Variants in EIF3F observed in about 807,000 individuals in gnomAD.
The protein encoded by EIF3F is eukaryotic translation initiation factor 3 subunit F, also known as deubiquitinating enzyme eIF3f.
In EIF3F, 8 loss-of-function variants were observed where a neutral mutation model predicts 36.0. The observed-to-expected ratio is 0.22, with a 90% CI of 0.13 to 0.40. The LOEUF (loss-of-function observed/expected upper bound fraction) is 0.40, where lower values mean the gene tolerates loss of function less well. Ranked by LOEUF, EIF3F falls within the 10% of genes least tolerant of loss-of-function variation. The pLI, the probability that EIF3F is intolerant of heterozygous loss-of-function variation, is 1.00. For missense variants in EIF3F, 430 were observed against 467.6 expected (o/e 0.92, Z 0.74); for synonymous variants, 184 against 188.5 (o/e 0.98, Z 0.19).
At chr11:7,992,313 G>T (rs1364687470) in intron 3 of EIF3F, 150 bp downstream of exon 3, 1 of 709,506 alleles carries the variant, frequency 1.4e-6, no homozygotes, top group African/African-American at 1.8e-5. Flanking sequence ...CTCAATGCCT[G>T]TAATCCCAGC....
rs958436276 is a variant in EIF3F at position 8,001,063 on chromosome 11, G to A, written c.*5041G>A. On this transcript the variant is annotated 3_prime_UTR_variant, in exon 8 of 8. Coordinates refer to ENST00000651655, the MANE Select transcript of EIF3F (RefSeq NM_003754.3). ...ATATTCTTGTCCCAGAATTCCTACAGTTTTTTAAGGCCAGTAATTTGATAC... is the reference window on the plus strand; with the variant it reads ...ATATTCTTGTCCCAGAATTCCTACAATTTTTTAAGGCCAGTAATTTGATAC... The A allele has an allele frequency of 6.6e-6, 1 of 152,292 alleles. No individual in the cohort carries two copies. The highest frequency in any genetic ancestry group is 1.9e-4 in the East Asian group (1 of 5,190). The allele number at this position is 152,292 out of a possible 1,614,324, so 9.4% of individuals were successfully genotyped here.
rs965673485 is a variant in EIF3F at position 7,998,663 on chromosome 11, G to A, written c.*2641G>A. 7.9e-5 allele frequency: 12 copies of A among 151,894 alleles called. No individual in the cohort carries two copies. Among genetic ancestry groups the A allele is most frequent in the Admixed American group, 5.9e-4 (9 of 15,252 alleles). 9.4% of individuals were successfully genotyped at this position (151,894 alleles called of 1,614,324 possible). On this transcript the variant is annotated 3_prime_UTR_variant, in exon 8 of 8. Transcript: ENST00000651655. ...TAGCAAGAGGTAAATTCACACATAC[G>A]GAGTCTGCAAAAAATGAGAATTGAC... is the stretch of plus-strand genomic sequence containing the variant.
At position 7,994,528 on chromosome 11, in the gene EIF3F, T is replaced by C. The variant is rs1269372820; in HGVS notation, c.745+11T>C. On this transcript the variant is annotated intron_variant, in intron 5 of 7. Transcript: ENST00000651655. ...CTGAACGCATCGGAGGTGAGTAACC[T>C]TTCCATACACTCGCGAGAGGCCATA... The C allele has an allele frequency of 4.3e-6, 7 of 1,611,554 alleles. No homozygotes were observed. Among genetic ancestry groups the C allele is most frequent in the Non-Finnish European group, 5.9e-6 (7 of 1,178,670 alleles).
At position 7,990,336 on chromosome 11, in the gene EIF3F, G is replaced by A. The variant is rs74235472; in HGVS notation, c.365-1445G>A. Among the ~76,000 whole-genome samples, 8 of 152,270 alleles carry A rather than the reference G, an allele frequency of 5.3e-5. No homozygotes were observed. In the East Asian group the frequency reaches 9.6e-4, roughly 18 times the overall value. ...GCAAACTTTCTATAAAGGTCCAGAC[G>A]GTAAATATTTTAGGCTTTGTGTGCA... On this transcript the variant is annotated intron_variant, in intron 1 of 7. Coordinates refer to ENST00000651655, the MANE Select transcript of EIF3F (RefSeq NM_003754.3).
chr11:7,991,681 C>G, intron 1 of EIF3F, 100 bp from the exon 2 acceptor site: 1 of 1,127,428 alleles, frequency 8.9e-7, no homozygotes. Context: ...GTTAGGTGTT[C>G]ATTGACATTG....
chr11:7,994,523 T>A lies in EIF3F; in HGVS notation c.745+6T>A, dbSNP rs1285838867. On this transcript the variant is annotated splice_donor_region_variant and intron_variant, in intron 5 of 7. Coordinates refer to ENST00000651655, the MANE Select transcript of EIF3F (RefSeq NM_003754.3). ...CGACACTGAACGCATCGGAGGTGAG[T>A]AACCTTTCCATACACTCGCGAGAGG... 1 of 1,612,284 alleles carries A rather than the reference T, an allele frequency of 6.2e-7. No homozygotes were observed. The highest frequency in any genetic ancestry group is 1.1e-5 in the South Asian group (1 of 90,688).
chr11:7,992,558 CAG>C (rs1236157138), intron 3 of EIF3F: 8 of 432,298 alleles, frequency 1.9e-5, no homozygotes, highest in South Asian at 9.3e-5. Flanking sequence ...GCCTGAGTGA[CAG>C]AGTGCGACCC....
At position 7,996,598 on chromosome 11, in the gene EIF3F, C is replaced by G. The variant is rs1942163221; in HGVS notation, c.*576C>G. Reference sequence around the variant, plus strand: ...GAAAATTCTTAGGTGCTATCTGTAACTCGAGGATAGAGCCTTGAGTTATAC... The same window carrying G: ...GAAAATTCTTAGGTGCTATCTGTAAGTCGAGGATAGAGCCTTGAGTTATAC... On this transcript the variant is annotated 3_prime_UTR_variant, in exon 8 of 8. Transcript: ENST00000651655. 6.6e-6 allele frequency: 1 copy of G among 152,646 alleles called. No homozygotes were observed. 9.5% of individuals were successfully genotyped at this position (152,646 alleles called of 1,614,324 possible).
Position 8,000,253 on chromosome 11 carries a change from TAAAAG to T in EIF3F, c.*4234_*4238del, listed in dbSNP as rs1942205899. 1 of 151,804 alleles carries T rather than the reference TAAAAG, an allele frequency of 6.6e-6. No individual in the cohort carries two copies. Among genetic ancestry groups the T allele is most frequent in the Non-Finnish European group, 1.5e-5 (1 of 67,974 alleles). 9.4% of individuals were successfully genotyped at this position (151,804 alleles called of 1,614,324 possible). A position where few individuals can be genotyped will look rare whatever the true frequency, so the allele number is the denominator to read the frequency against. ...CTACACAATGGAATATTATTAACCT[TAAAAG>T]AAGGAAATAACTGATTTACAACAAC... On this transcript the variant is annotated 3_prime_UTR_variant, in exon 8 of 8. Transcript: ENST00000651655.
Position 7,999,697 on chromosome 11 carries a change from G to A in EIF3F, c.*3675G>A, listed in dbSNP as rs1347409829. 2.0e-5 allele frequency: 3 copies of A among 152,166 alleles called. No homozygotes were observed. Among genetic ancestry groups the A allele is most frequent in the Non-Finnish European group, 2.9e-5 (2 of 68,030 alleles). 9.4% of individuals were successfully genotyped at this position (152,166 alleles called of 1,614,324 possible). A position where few individuals can be genotyped will look rare whatever the true frequency, so the allele number is the denominator to read the frequency against. On this transcript the variant is annotated 3_prime_UTR_variant, in exon 8 of 8. Transcript: ENST00000651655. ...CGTTGGTGAGGGTATGGAGAAAAGGGAACCCTTTTACACTTGGTGTGAATG... is the reference window on the plus strand; with the variant it reads ...CGTTGGTGAGGGTATGGAGAAAAGGAAACCCTTTTACACTTGGTGTGAATG...
At position 7,998,327 on chromosome 11, in the gene EIF3F, C is replaced by G. The variant is rs1942185242; in HGVS notation, c.*2305C>G. ...TGACCCATTAACACTGAACTTAGCC[C>G]ACGACACTTATTCCTGAATGAAGCT... On this transcript the variant is annotated 3_prime_UTR_variant, in exon 8 of 8. Coordinates refer to ENST00000651655, the MANE Select transcript of EIF3F (RefSeq NM_003754.3). 1.3e-5 allele frequency: 2 copies of G among 152,114 alleles called. No homozygotes were observed. The highest frequency in any genetic ancestry group is 1.3e-4 in the Admixed American group (2 of 15,282). 9.4% of individuals were successfully genotyped at this position (152,114 alleles called of 1,614,324 possible).
intron 7 of EIF3F, 103 bp from the exon 8 acceptor site, chr11:7,995,842 A>C: frequency 1.1e-6 from 1 of 881,912 alleles, no homozygotes; most frequent in Non-Finnish European, 1.9e-6. Flanking sequence ...ATTTATCCAC[A>C]GCTGTCCTCA....
At chr11:7,990,901 A>AAATAAAAG (rs386373038) in intron 1 of EIF3F, among the ~76,000 whole-genome samples, 1 of 56,396 alleles carries the variant, frequency 1.8e-5, no homozygotes, top group Non-Finnish European at 5.2e-5. Flanking sequence ...ATAAATAAAT[A>AAATAAAAG]AAAGAAATAC....
In EIF3F at chr11:8,001,205, T is replaced by G. The variant is rs1435225577; in HGVS notation, c.*5183T>G. The G allele has an allele frequency of 6.6e-6, 1 of 152,218 alleles. No individual in the cohort carries two copies. Among genetic ancestry groups the G allele is most frequent in the Non-Finnish European group, 1.5e-5 (1 of 68,032 alleles). The allele number at this position is 152,218 out of a possible 1,614,324, so 9.4% of individuals were successfully genotyped here. A position where few individuals can be genotyped will look rare whatever the true frequency, so the allele number is the denominator to read the frequency against. On this transcript the variant is annotated 3_prime_UTR_variant, in exon 8 of 8. Transcript: ENST00000651655. ...ACGATGTCATTTTTAAAAATCAGATTCGCAAATTTTAAAAGTTGCTAACAC... is the reference window on the plus strand; with the variant it reads ...ACGATGTCATTTTTAAAAATCAGATGCGCAAATTTTAAAAGTTGCTAACAC...
At position 7,989,627 on chromosome 11, in the gene EIF3F, G is replaced by A. The variant is rs373265361; in HGVS notation, c.364+1911G>A. Among the ~76,000 whole-genome samples the A allele has an allele frequency of 7.9e-4, 117 of 148,038 alleles. 3 individuals carry two copies. In the South Asian group the frequency reaches 0.024, roughly 30 times the overall value. On this transcript the variant is annotated intron_variant, in intron 1 of 7. Coordinates refer to ENST00000651655, the MANE Select transcript of EIF3F (RefSeq NM_003754.3). Reference sequence around the variant, plus strand: ...CTCCTGTAACCTTAAACTCAAGATAGAAGTGTACTCTTAAATGCAAATAAT... The same window carrying A: ...CTCCTGTAACCTTAAACTCAAGATAAAAGTGTACTCTTAAATGCAAATAAT...
rs1942198236 is a variant in EIF3F, at chr11:7,999,691, A to G, written c.*3669A>G. On this transcript the variant is annotated 3_prime_UTR_variant, in exon 8 of 8. Transcript: ENST00000651655. ...TGCAAGCGTTGGTGAGGGTATGGAG[A>G]AAAGGGAACCCTTTTACACTTGGTG... 1 of 152,220 alleles carries G rather than the reference A, an allele frequency of 6.6e-6. No individual in the cohort carries two copies. The highest frequency in any genetic ancestry group is 1.5e-5 in the Non-Finnish European group (1 of 68,034). The allele number at this position is 152,220 out of a possible 1,614,324, so 9.4% of individuals were successfully genotyped here.
chr11:7,995,400 GT>G, intron 7 of EIF3F, 33 bp downstream of exon 7: 4 of 1,544,350 alleles, frequency 2.6e-6, no homozygotes, highest in Non-Finnish European at 3.6e-6. Context: ...TTCTTGCCTG[GT>G]TTCTTCCCCC....
chr11:7,987,889 AGCACTT>A, intron 1 of EIF3F, 173 bp downstream of exon 1: 1 of 986,636 alleles, frequency 1.0e-6, no homozygotes, highest in Non-Finnish European at 1.3e-6. Flanking sequence ...TATCTTCTCA[AGCACTT>A]GCATCTCTCC....
In EIF3F at chr11:7,994,578, T is replaced by C. The variant is rs572472001; in HGVS notation, c.745+61T>C. 13 of 1,509,308 alleles carry C rather than the reference T, an allele frequency of 8.6e-6. No homozygotes were observed. The African/African-American group carries it at 1.8e-4, about 21-fold the overall frequency. The allele number at this position is 1,509,308 out of a possible 1,614,324, so 93.5% of individuals were successfully genotyped here. On this transcript the variant is annotated intron_variant, in intron 5 of 7. Coordinates refer to ENST00000651655, the MANE Select transcript of EIF3F (RefSeq NM_003754.3). ...AGGCATTTTCAGGGAAGGGGGCTGC[T>C]AGTCTGCAACATGGACGGAGGCCTT...
Sources: gnomAD v4.1 joint callset for allele counts (sites outside exome capture counted in the v4.1 genomes callset) on GRCh38, gnomAD v4.1.1 for gene constraint, MANE v1.5 for transcripts, NCBI Gene and HGNC (gene_info 2026-07-23, HGNC 2026-07-21) for gene names.